Variants in ADAMTSL1 observed in about 807,000 individuals in gnomAD.
ADAMTSL1 encodes the protein ADAMTS like 1.
ADAMTSL1 carries 126 observed loss-of-function variants against 201.8 expected under a neutral mutation model. The ratio of observed to expected loss-of-function variants is 0.62; its 90% CI spans 0.54 to 0.72. ADAMTSL1 has a LOEUF of 0.72. ADAMTSL1 is among the 30% of genes least tolerant of loss of function. ADAMTSL1 has a pLI of 0.00. For synonymous variants in ADAMTSL1, 1,121 were observed against 903.4 expected, an observed-to-expected ratio of 1.24 and a Z score of -4.32; for missense variants, 2,679 against 2,277.8, an observed-to-expected ratio of 1.18 and a Z score of -3.59.
chr9:18,483,063 G>A (rs903598274), intron 1 of ADAMTSL1, among the ~76,000 whole-genome samples: 4 of 152,188 alleles, frequency 2.6e-5, no homozygotes, highest in African/African-American at 9.6e-5. Flanking sequence ...GAATTAAAGG[G>A]AACCTTTGAT....
chr9:18,859,830 G>A (rs1017343109), intron 23 of ADAMTSL1, among the ~76,000 whole-genome samples: 1 of 151,908 alleles, frequency 6.6e-6, no homozygotes, highest in African/African-American at 2.4e-5. Flanking sequence ...TCATAATGGT[G>A]CTGATTTTTT....
At chr9:18,703,594 A>G (rs1280584774) in intron 13 of ADAMTSL1, among the ~76,000 whole-genome samples, 1 of 151,322 alleles carries the variant, frequency 6.6e-6, no homozygotes. Context: ...GCTGTTTTAC[A>G]TTTGATAAAA....
intron 2 of ADAMTSL1, among the ~76,000 whole-genome samples, chr9:18,388,489 G>A (rs115345109): frequency 0.028 from 4,204 of 152,154 alleles, 204 homozygotes; most frequent in African/African-American, 0.096. Flanking sequence ...GCCCAGGCTG[G>A]TTTCGAAGTC....
intron 2 of ADAMTSL1, among the ~76,000 whole-genome samples, chr9:18,412,803 AG>A: frequency 6.6e-6 from 1 of 152,292 alleles, no homozygotes; most frequent in South Asian, 2.1e-4. Flanking sequence ...TGGAACAACA[AG>A]ATGTTCCAGG....
chr9:18,792,801 C>T (rs1822141251), intron 19 of ADAMTSL1, among the ~76,000 whole-genome samples: 1 of 152,206 alleles, frequency 6.6e-6, no homozygotes, highest in South Asian at 2.1e-4. Context: ...CTTCAGGAAA[C>T]AGTCATACTA....
At chr9:18,543,404 A>G (rs1323412523) in intron 3 of ADAMTSL1, among the ~76,000 whole-genome samples, 1 of 152,162 alleles carries the variant, frequency 6.6e-6, no homozygotes, top group East Asian at 1.9e-4. Flanking sequence ...TGAAAAGAGA[A>G]ATGATGAGTG....
intron 21 of ADAMTSL1, among the ~76,000 whole-genome samples, chr9:18,817,679 C>G (rs945447171): frequency 6.6e-6 from 1 of 152,116 alleles, no homozygotes; most frequent in East Asian, 1.9e-4. Context: ...TTCCAAAAGA[C>G]AAAGCCACCA....
At chr9:18,409,404 A>G (rs1818338854) in intron 2 of ADAMTSL1, among the ~76,000 whole-genome samples, 1 of 144,610 alleles carries the variant, frequency 6.9e-6, no homozygotes, top group African/African-American at 2.6e-5. Flanking sequence ...AAAAAAAAAA[A>G]GAAAAAGAAA....
chr9:17,946,526 T>C (rs1481719449), intron 1 of ADAMTSL1, among the ~76,000 whole-genome samples: 2 of 152,164 alleles, frequency 1.3e-5, no homozygotes, highest in Non-Finnish European at 2.9e-5. Flanking sequence ...TTTTTATGTT[T>C]GACTAAATTT....
chr9:18,409,187 C>G (rs1393016674), intron 2 of ADAMTSL1, among the ~76,000 whole-genome samples: 1 of 151,614 alleles, frequency 6.6e-6, no homozygotes, highest in Admixed American at 6.6e-5. Context: ...AGTTTGAGAC[C>G]AGCCTGACCA....
At chr9:18,078,418 C>G (rs1025869679) in intron 1 of ADAMTSL1, among the ~76,000 whole-genome samples, 1 of 152,056 alleles carries the variant, frequency 6.6e-6, no homozygotes, top group Non-Finnish European at 1.5e-5. Context: ...TTTCTGCATT[C>G]AAAAATAAGC....
At chr9:18,015,962 G>A (rs1475442288) in intron 1 of ADAMTSL1, among the ~76,000 whole-genome samples, 1 of 151,982 alleles carries the variant, frequency 6.6e-6, no homozygotes, top group African/African-American at 2.4e-5. Context: ...CTGAAAACCA[G>A]GATGGCAGCT....
At chr9:18,567,372 A>T (rs1031163318) in intron 3 of ADAMTSL1, among the ~76,000 whole-genome samples, 11 of 152,190 alleles carry the variant, frequency 7.2e-5, no homozygotes, top group African/African-American at 2.7e-4. Context: ...AGGCTGAGGC[A>T]GGAGAATTGC....
rs1452224363 is a variant in ADAMTSL1, at chr9:18,393,375, G to A, written c.208-111454G>A. Among the ~76,000 whole-genome samples the A allele has an allele frequency of 2.6e-5, 4 of 152,072 alleles. 1 individual carries two copies. The East Asian group carries it at 7.7e-4, about 29-fold the overall frequency. ...TGCTTGGACCTGGTAGGGATTAAAGGGGAAGGTAATGACTCACCATCCCAG... is the reference window on the plus strand; with the variant it reads ...TGCTTGGACCTGGTAGGGATTAAAGAGGAAGGTAATGACTCACCATCCCAG... On this transcript the variant is annotated intron_variant, in intron 2 of 29. Coordinates refer to the ADAMTSL1 transcript ENST00000680146.
intron 1 of ADAMTSL1, among the ~76,000 whole-genome samples, chr9:18,098,360 A>G (rs777292086): frequency 6.6e-6 from 1 of 152,110 alleles, no homozygotes; most frequent in Non-Finnish European, 1.5e-5. Context: ...ACAATTTTGG[A>G]TCTTCTAATT....
chr9:18,201,420 A>G (rs1299776102), intron 2 of ADAMTSL1, among the ~76,000 whole-genome samples: 4 of 152,024 alleles, frequency 2.6e-5, no homozygotes, highest in Admixed American at 6.6e-5. Flanking sequence ...AGTTACTTTC[A>G]TATAGTTTTT....
At chr9:18,583,865 T>G (rs553234900) in intron 4 of ADAMTSL1, among the ~76,000 whole-genome samples, 1 of 152,236 alleles carries the variant, frequency 6.6e-6, no homozygotes, top group East Asian at 1.9e-4. Flanking sequence ...TTTTGGCCAA[T>G]TTCTCCCATT....
chr9:17,909,341 C>A (rs1588398436), intron 1 of ADAMTSL1, among the ~76,000 whole-genome samples: 1 of 145,536 alleles, frequency 6.9e-6, no homozygotes, highest in South Asian at 2.3e-4. Context: ...TCCCATTTGT[C>A]AATTTTGGCT....
At position 18,807,659 on chromosome 9, in the gene ADAMTSL1, C is replaced by CA. The variant is rs58783987; in HGVS notation, c.3806-9440dup. Among the ~76,000 whole-genome samples the CA allele has an allele frequency of 2.5e-3, 216 of 86,564 alleles. 3 individuals are homozygous for CA. The Middle Eastern group carries it at 0.037, about 15-fold the overall frequency. 56.8% of individuals were successfully genotyped at this position (86,564 alleles called of 152,430 possible). A position where few individuals can be genotyped will look rare whatever the true frequency, so the allele number is the denominator to read the frequency against. ...AGACTCTGTCTCAAAAAAAAAAAAA[C>CA]AAAAAAAAAACAAAGCATACATAGT... On this transcript the variant is annotated intron_variant, in intron 20 of 28. Transcript: ENST00000380548.
Sources: gnomAD v4.1 joint callset for allele counts (sites outside exome capture counted in the v4.1 genomes callset) on GRCh38, gnomAD v4.1.1 for gene constraint, MANE v1.5 for transcripts, NCBI Gene and HGNC (gene_info 2026-07-23, HGNC 2026-07-21) for gene names.